PTPRA: variants seen among roughly 807,000 people sequenced by gnomAD.
The protein encoded by PTPRA is receptor-type tyrosine-protein phosphatase alpha.
Under a neutral mutation model 104.8 loss-of-function variants are expected in PTPRA, and 25 were observed. The ratio of observed to expected loss-of-function variants is 0.24; its 90% CI spans 0.17 to 0.33. The LOEUF (loss-of-function observed/expected upper bound fraction) is 0.33. PTPRA is among the 10% of genes least tolerant of loss of function. The pLI, the probability that PTPRA is intolerant of heterozygous loss-of-function variation, is 1.00. For missense variants in PTPRA, 765 were observed against 1,015.3 expected (o/e 0.75, Z 3.35); for synonymous variants, 323 against 368.9 (o/e 0.88, Z 1.43).
the PTPRA span, chr20:2,864,831 C>T: frequency 2.5e-6 from 3 of 1,208,300 alleles, no homozygotes; most frequent in East Asian, 2.4e-5. This position sits in a 1 kb window ranked among gnomAD's most constrained non-coding sequence, Gnocchi z 5.2. Context: ...CTAGCCATCC[C>T]TCTAGGACAT....
rs533408978 is a variant in PTPRA, at chr20:2,910,140, C to T, written c.-128-13067C>T. Among the ~76,000 whole-genome samples, 4 of 106,708 alleles carry T rather than the reference C, an allele frequency of 3.7e-5. No individual in the cohort carries two copies. In the East Asian group the frequency reaches 1.1e-3, roughly 30 times the overall value. 70.0% of individuals were successfully genotyped at this position (106,708 alleles called of 152,430 possible). A position where few individuals can be genotyped will look rare whatever the true frequency, so the allele number is the denominator to read the frequency against. ...GATGTATAGTATATATGATATATAA[C>T]ATCATATATACTATACGTCATATAT... On this transcript the variant is annotated intron_variant, in intron 1 of 23. Coordinates refer to ENST00000399903, the MANE Select transcript of PTPRA (RefSeq NM_001385305.1).
At chr20:3,019,029 G>A (rs575589331) in intron 13 of PTPRA, among the ~76,000 whole-genome samples, 9 of 139,030 alleles carry the variant, frequency 6.5e-5, no homozygotes, top group African/African-American at 2.1e-4. Flanking sequence ...CGGGCGGGGG[G>A]GCTGACCCCC....
chr20:2,874,400 A>G (rs1401272640), intron 1 of PTPRA, among the ~76,000 whole-genome samples: 2 of 152,154 alleles, frequency 1.3e-5, no homozygotes, highest in African/African-American at 4.8e-5. Flanking sequence ...ATTAAAAAAA[A>G]AAAATAGCAG....
At chr20:2,893,181 T>G (rs2058864785) in intron 1 of PTPRA, among the ~76,000 whole-genome samples, 1 of 152,260 alleles carries the variant, frequency 6.6e-6, no homozygotes, top group Non-Finnish European at 1.5e-5. Flanking sequence ...GTTTTGCAGT[T>G]TTATATCTCC....
intron 22 of PTPRA, 60 bp downstream of exon 22, chr20:3,036,001 G>T (rs1168817060): frequency 6.2e-7 from 1 of 1,608,798 alleles, no homozygotes. Context: ...GATAGGGGAA[G>T]CTGATGACCA....
chr20:2,931,455 C>T (rs1359368317), intron 2 of PTPRA, among the ~76,000 whole-genome samples: 1 of 152,032 alleles, frequency 6.6e-6, no homozygotes, highest in East Asian at 1.9e-4. Flanking sequence ...AGTCAGCAGG[C>T]ACTTGGAGAA....
At chr20:2,960,443 G>A (rs980046469) in intron 3 of PTPRA, among the ~76,000 whole-genome samples, 1 of 151,968 alleles carries the variant, frequency 6.6e-6, no homozygotes. Flanking sequence ...TAGAGACGGG[G>A]TTTCACCATG....
chr20:2,918,679 T>C (rs1196792292), intron 1 of PTPRA, among the ~76,000 whole-genome samples: 4 of 152,226 alleles, frequency 2.6e-5, no homozygotes, highest in South Asian at 4.1e-4. Flanking sequence ...TACTTAGGAA[T>C]ATATGACGGT....
intron 1 of PTPRA, among the ~76,000 whole-genome samples, chr20:2,881,203 C>G (rs148889944): frequency 6.6e-6 from 1 of 150,958 alleles, no homozygotes; most frequent in South Asian, 2.1e-4. Context: ...TTCAGCTACT[C>G]GGGAGGCTGA....
rs368629670 is a variant in PTPRA, at chr20:3,032,495, C to T, written c.1921-3090C>T. Among the ~76,000 whole-genome samples the T allele has an allele frequency of 5.4e-3, 827 of 152,240 alleles. 5 individuals carry two copies. The highest frequency in any genetic ancestry group is 0.01 in the Admixed American group (153 of 15,284). On this transcript the variant is annotated intron_variant, in intron 20 of 23. Transcript: ENST00000399903. ...TAAAGAGTTGGCTTTCGGCCGGGCG[C>T]GGTGGCTCACGCCTGTAATCCCAGC...
At chr20:2,959,449 A>G (rs536682241) in intron 3 of PTPRA, among the ~76,000 whole-genome samples, 1 of 152,280 alleles carries the variant, frequency 6.6e-6, no homozygotes, top group South Asian at 2.1e-4. Context: ...TCTCGTCTGT[A>G]AATTATCTGT....
chr20:3,027,808 C>A lies in PTPRA; in HGVS notation c.1887C>A (p.Ile629=), dbSNP rs765400226. Residue 629 remains isoleucine, a synonymous_variant, in exon 20 of 24, where the codon ATC becomes ATA. Transcript: ENST00000399903. ...RMIWEWKSCS[I]VMLTELEERG... Reference sequence around the variant, plus strand: ...TCTGGGAGTGGAAATCCTGCTCTATCGTGATGCTAACAGAACTGGAGGAGA... The same window carrying A: ...TCTGGGAGTGGAAATCCTGCTCTATAGTGATGCTAACAGAACTGGAGGAGA... 3 of 1,614,012 alleles carry A rather than the reference C, an allele frequency of 1.9e-6. No individual in the cohort carries two copies. The highest frequency in any genetic ancestry group is 1.1e-5 in the South Asian group (1 of 91,088).
intron 1 of PTPRA, among the ~76,000 whole-genome samples, chr20:2,910,077 G>A (rs1600098554): frequency 8.6e-6 from 1 of 116,868 alleles, no homozygotes; most frequent in East Asian, 2.3e-4. Flanking sequence ...TATATATGAT[G>A]TATAGTATAT....
intron 2 of PTPRA, among the ~76,000 whole-genome samples, chr20:2,936,800 G>A (rs1163039041): frequency 2.0e-5 from 3 of 152,088 alleles, no homozygotes. Flanking sequence ...AAAAGAATCA[G>A]TTCTACTAAT....
chr20:2,955,352 G>A (rs2061499124), intron 3 of PTPRA, among the ~76,000 whole-genome samples: 1 of 152,170 alleles, frequency 6.6e-6, no homozygotes. Context: ...TTTGCCTCCA[G>A]ACTCATCTCT....
intron 9 of PTPRA, among the ~76,000 whole-genome samples, chr20:3,003,700 ATTTTTTT>A (rs59358849): frequency 9.5e-6 from 1 of 105,564 alleles, no homozygotes; most frequent in East Asian, 3.0e-4. Flanking sequence ...ATACCTGGCT[ATTTTTTT>A]TTTTTTTTTT....
intron 6 of PTPRA, among the ~76,000 whole-genome samples, chr20:2,985,521 C>G (rs533219231): frequency 4.6e-5 from 7 of 151,940 alleles, no homozygotes; most frequent in Non-Finnish European, 1.0e-4. Context: ...TTCATGGAGT[C>G]GGGTGGAGGG....
rs1568650149 is a variant in PTPRA, at chr20:2,910,588, TG to T, written c.-128-12618del. ...TATCATGCCCAGCTAGTTTTTTTTT[TG>T]TTTTTTTTTTGTTTTTTTTAATTTT... On this transcript the variant is annotated intron_variant, in intron 1 of 23. Coordinates refer to ENST00000399903, the MANE Select transcript of PTPRA (RefSeq NM_001385305.1). 5.6e-3 allele frequency among the ~76,000 whole-genome samples: 518 copies of T among 92,612 alleles called. 39 individuals carry two copies. Among genetic ancestry groups the T allele is most frequent in the East Asian group, 0.042 (112 of 2,680 alleles). The allele number at this position is 92,612 out of a possible 152,430, so 60.8% of individuals were successfully genotyped here.
At chr20:2,959,472 G>C (rs2061667243) in intron 3 of PTPRA, among the ~76,000 whole-genome samples, 1 of 152,022 alleles carries the variant, frequency 6.6e-6, no homozygotes, top group Non-Finnish European at 1.5e-5. Flanking sequence ...AGGTCCTTCA[G>C]ATTTTTCAAA....
Sources: gnomAD v4.1 joint callset for allele counts (sites outside exome capture counted in the v4.1 genomes callset) on GRCh38, gnomAD v4.1.1 for gene constraint, Gnocchi (gnomAD v3.1) non-coding constraint, MANE v1.5 for transcripts, NCBI Gene and HGNC (gene_info 2026-07-23, HGNC 2026-07-21) for gene names.